C4BPB: variants seen among roughly 807,000 people sequenced by gnomAD.
C4BPB encodes C4b-binding protein beta chain.
C4BPB carries 19 observed loss-of-function variants against 26.6 expected under a neutral mutation model. The ratio of observed to expected loss-of-function variants is 0.71; its 90% CI spans 0.50 to 1.05. The LOEUF (loss-of-function observed/expected upper bound fraction) is 1.05. Ranked by LOEUF, C4BPB falls within the 50% of genes least tolerant of loss-of-function variation. The pLI is 0.00. For missense variants in C4BPB, 282 were observed against 302.9 expected (o/e 0.93, Z 0.51); for synonymous variants, 118 against 103.5 (o/e 1.14, Z -0.85).
At position 207,091,720 on chromosome 1, in the gene C4BPB, C is replaced by T. The variant is rs139041322; in HGVS notation, c.309C>T (p.Ile103=). 16 of 1,613,910 alleles carry T rather than the reference C, an allele frequency of 9.9e-6. No individual in the cohort carries two copies. The highest frequency in any genetic ancestry group is 1.6e-4 in the Middle Eastern group (1 of 6,066). Residue 103 remains isoleucine (I), a synonymous_variant, in exon 4 of 7, where the codon ATC becomes ATT. Transcript: ENST00000367078. ...SSGPVNVSDK[I]TFMCNDHYIL... ...GGCCTGTGAATGTAAGTGACAAAATCACGTTTATGTGCAATGACCACTACA... is the reference window on the plus strand; with the variant it reads ...GGCCTGTGAATGTAAGTGACAAAATTACGTTTATGTGCAATGACCACTACA...
intron 6 of C4BPB, among the ~76,000 whole-genome samples, chr1:207,098,545 C>T (rs1433229866): frequency 6.6e-6 from 1 of 152,066 alleles, no homozygotes. Flanking sequence ...GGTTCCCAAC[C>T]TTTTTGGCAC....
intron 4 of C4BPB, chr1:207,095,329 C>G: frequency 2.2e-6 from 1 of 456,556 alleles, no homozygotes; most frequent in Non-Finnish European, 4.4e-6. Flanking sequence ...GCCATGTTCT[C>G]CCCTATTTCT....
intron 4 of C4BPB, chr1:207,095,462 C>T: frequency 2.2e-6 from 1 of 455,112 alleles, no homozygotes. Context: ...TCCCAAGTAG[C>T]TGGGATTACA....
rs890008916 is a variant in C4BPB, at chr1:207,091,700, G to A, written c.289G>A (p.Val97Met). The change falls in exon 4 of 7, where the codon GTG becomes ATG. Residue 97 changes from valine to methionine, a missense_variant. Physicochemically the swap from Val to Met is conservative, Grantham distance 21. Transcript: ENST00000367078. The stretch of plus-strand genomic sequence containing the variant: ...TGGAGAGTTCAGTTCTTCAGGGCCT[G>A]TGAATGTAAGTGACAAAATCACGTT... ...VNGEFSSSGP[V>M]NVSDKITFMC... 2.5e-6 allele frequency: 4 copies of A among 1,614,058 alleles called. No individual in the cohort carries two copies. The highest frequency in any genetic ancestry group is 3.4e-6 in the Non-Finnish European group (4 of 1,179,962).
Position 207,097,899 on chromosome 1 carries a change from AT to A in C4BPB, c.504-249del, listed in dbSNP as rs935817093. On this transcript the variant is annotated intron_variant, in intron 5 of 6. Coordinates refer to ENST00000367078, the MANE Select transcript of C4BPB (RefSeq NM_001017365.3). ...CAAAACCTGGGTGTGTAAACACCTGATTCAGAATTTCTCACTTCTCTATGTT... is the reference window on the plus strand; with the variant it reads ...CAAAACCTGGGTGTGTAAACACCTGATCAGAATTTCTCACTTCTCTATGTT... The A allele has an allele frequency of 2.3e-5, 8 of 354,270 alleles. No homozygotes were observed. The Admixed American group carries it at 3.6e-4, about 16-fold the overall frequency. 21.9% of individuals were successfully genotyped at this position (354,270 alleles called of 1,614,324 possible). A position where few individuals can be genotyped will look rare whatever the true frequency, so the allele number is the denominator to read the frequency against.
rs765015751 is a variant in C4BPB, at chr1:207,098,173, A to G, written c.527A>G (p.Glu176Gly). 6.2e-7 allele frequency: 1 copy of G among 1,614,022 alleles called. No individual in the cohort carries two copies. The highest frequency in any genetic ancestry group is 1.3e-5 in the African/African-American group (1 of 75,054). The change falls in exon 6 of 7, where the codon GAG becomes GGG. Residue 176 changes from glutamate (E) to glycine (G), a missense_variant. Coordinates refer to ENST00000367078, the MANE Select transcript of C4BPB (RefSeq NM_001017365.3). ...AGGTACTACTTAGTGGGCGTGCAGG[A>G]GCAGCAATGCGTTGATGGGGAGTGG... ...EDRYYLVGVQ[E>G]QQCVDGEWSS...
rs772978502 is a variant in C4BPB at position 207,098,137 on chromosome 1, A to C, written c.504-13A>C. 1 of 1,605,858 alleles carries C rather than the reference A, an allele frequency of 6.2e-7. No homozygotes were observed. Among genetic ancestry groups the C allele is most frequent in the South Asian group, 1.1e-5 (1 of 90,860 alleles). On this transcript the variant is annotated splice_polypyrimidine_tract_variant and intron_variant, in intron 5 of 6. Transcript: ENST00000367078. ...AAGTGGAAAAGCTAAGCCTTGTTCT[A>C]ATTTCTGTTCAGGTACTACTTAGTG...
chr1:207,098,225 G>T lies in C4BPB; in HGVS notation c.579G>T (p.Leu193Phe), dbSNP rs756390898. Residue 193 changes from leucine to phenylalanine, a missense_variant, in exon 6 of 7, where the codon TTG becomes TTT. Physicochemically the swap from Leu to Phe is conservative, Grantham distance 22. Coordinates refer to ENST00000367078, the MANE Select transcript of C4BPB (RefSeq NM_001017365.3). ...EWSSALPVCK[L>F]IQEAPKPECE... The stretch of plus-strand genomic sequence containing the variant: ...GCAGTGCACTTCCAGTCTGCAAGTT[G>T]ATCCAGGAAGCTCCCAAACCAGAGT... The T allele has an allele frequency of 1.9e-6, 3 of 1,613,840 alleles. No individual in the cohort carries two copies. Among genetic ancestry groups the T allele is most frequent in the South Asian group, 2.2e-5 (2 of 91,074 alleles).
At chr1:207,097,148 AG>A (rs1288690244) in intron 5 of C4BPB, among the ~76,000 whole-genome samples, 1 of 152,172 alleles carries the variant, frequency 6.6e-6, no homozygotes, top group Non-Finnish European at 1.5e-5. Flanking sequence ...ACTTTAACCC[AG>A]GTGGAAAAGT....
intron 6 of C4BPB, 53 bp downstream of exon 6, chr1:207,098,317 G>T: frequency 9.0e-7 from 1 of 1,108,590 alleles, no homozygotes; most frequent in East Asian, 2.4e-5. Flanking sequence ...CCAGGGCCTG[G>T]CATCACTCCT....
Position 207,091,670 on chromosome 1 carries a change from G to A in C4BPB, c.259G>A (p.Val87Met). ...RLGHCPDPVL[V>M]NGEFSSSGPV... ...GGGCCACTGTCCTGATCCTGTGCTG[G>A]TGAATGGAGAGTTCAGTTCTTCAGG... The change falls in exon 4 of 7, where the codon GTG becomes ATG. Residue 87 changes from valine (V) to methionine (M), a missense_variant. Val to Met is a conservative substitution (Grantham distance 21). Coordinates refer to ENST00000367078, the MANE Select transcript of C4BPB (RefSeq NM_001017365.3). 1.2e-6 allele frequency: 2 copies of A among 1,613,928 alleles called. No homozygotes were observed. Among genetic ancestry groups the A allele is most frequent in the Non-Finnish European group, 1.7e-6 (2 of 1,179,972 alleles).
At chr1:207,099,758 T>C (rs766552123) in intron 6 of C4BPB, 31 bp from the exon 7 acceptor site, 2 of 1,602,102 alleles carry the variant, frequency 1.2e-6, no homozygotes, top group South Asian at 2.3e-5. Context: ...AGTCCTTATG[T>C]TGTAACTTGT....
Position 207,090,398 on chromosome 1 carries a change from T to A in C4BPB, c.149T>A (p.Ile50Asn), listed in dbSNP as rs899412895. 6.2e-7 allele frequency: 1 copy of A among 1,614,056 alleles called. No homozygotes were observed. The highest frequency in any genetic ancestry group is 1.7e-5 in the Admixed American group (1 of 60,024). ...EGQILGTYVC[I>N]KGYHLVGKKT... ...CAGATTCTGGGGACTTACGTTTGTA[T>A]CAAGGGCTACCACCTGGTAGGAAAG... Residue 50 changes from isoleucine (I) to asparagine (N), a missense_variant, in exon 3 of 7, where the codon ATC (isoleucine) becomes AAC (asparagine). Ile to Asn is a moderately radical substitution (Grantham distance 149). Transcript: ENST00000367078.
intron 3 of C4BPB, among the ~76,000 whole-genome samples, chr1:207,090,788 G>A (rs557325681): frequency 6.6e-6 from 1 of 152,042 alleles, no homozygotes; most frequent in Non-Finnish European, 1.5e-5. Flanking sequence ...CTTTAAAAAT[G>A]TTTATGTTAT....
Position 207,096,513 on chromosome 1 carries a change from T to C in C4BPB, c.410-9T>C, listed in dbSNP as rs3813948. 122,077 of 1,554,250 alleles carry C rather than the reference T, an allele frequency of 0.079. 5,925 individuals are homozygous for C. Among genetic ancestry groups the C allele is most frequent in the Middle Eastern group, 0.18 (1,087 of 5,906 alleles). On this transcript the variant is annotated splice_polypyrimidine_tract_variant and intron_variant, in intron 4 of 6. Transcript: ENST00000367078. ...TCATAACTATGACTTCTATACTCGT[T>C]TCTCTCAGGGGACTGTGACCCTCCT...
intron 5 of C4BPB, 28 bp from the exon 6 acceptor site, chr1:207,098,122 G>A (rs1217745388): frequency 3.2e-6 from 5 of 1,573,422 alleles, no homozygotes; most frequent in South Asian, 1.1e-5. Flanking sequence ...AAGTGGAAAA[G>A]CTAAGCCTTG....
chr1:207,098,078 C>T (rs1684329114), intron 5 of C4BPB, 72 bp from the exon 6 acceptor site: 1 of 1,165,004 alleles, frequency 8.6e-7, no homozygotes, highest in Non-Finnish European at 1.3e-6. Flanking sequence ...TGAAATACAA[C>T]TACACAAAAC....
chr1:207,098,060 T>C lies in C4BPB; in HGVS notation c.504-90T>C, dbSNP rs960317895. 219 of 960,780 alleles carry C rather than the reference T, an allele frequency of 2.3e-4. 1 individual carries two copies. The highest frequency in any genetic ancestry group is 2.8e-4 in the Non-Finnish European group (169 of 604,268). 59.5% of individuals were successfully genotyped at this position (960,780 alleles called of 1,614,324 possible). A position where few individuals can be genotyped will look rare whatever the true frequency, so the allele number is the denominator to read the frequency against. The stretch of plus-strand genomic sequence containing the variant: ...CAGGGAGGTGGATTCCATCACAGCA[T>C]GAAATACTGAAATACAACTACACAA... On this transcript the variant is annotated intron_variant, in intron 5 of 6. Transcript: ENST00000367078.
chr1:207,097,375 G>C (rs182683595), intron 5 of C4BPB, among the ~76,000 whole-genome samples: 5 of 151,288 alleles, frequency 3.3e-5, no homozygotes, highest in African/African-American at 1.2e-4. Context: ...ACCACGCTTG[G>C]CTAATTTTTT....
Sources: gnomAD v4.1 joint callset for allele counts (sites outside exome capture counted in the v4.1 genomes callset) on GRCh38, gnomAD v4.1.1 for gene constraint, MANE v1.5 for transcripts, NCBI Gene and HGNC (gene_info 2026-07-23, HGNC 2026-07-21) for gene names.